LEMD3: variants seen among roughly 807,000 people sequenced by gnomAD.
LEMD3 encodes the protein LEM domain containing 3.
In LEMD3, 33 loss-of-function variants were observed where a neutral mutation model predicts 95.2. The observed-to-expected ratio is 0.35, with a 90% CI of 0.26 to 0.46. The LOEUF (loss-of-function observed/expected upper bound fraction) is 0.46. Among genes scored for constraint, LEMD3 ranks in the 20% least tolerant of loss-of-function variants. The probability of loss-of-function intolerance (pLI) is 1.00; values close to 1 mark genes in which losing one functional copy is unlikely to be tolerated. For synonymous variants in LEMD3, 525 were observed against 474.6 expected (o/e 1.11, Z -1.38); for missense variants, 1,210 against 1,192.8 (o/e 1.01, Z -0.21).
chr12:65,245,204 C>T (rs1055706902), intron 10 of LEMD3: 4 of 160,804 alleles, frequency 2.5e-5, no homozygotes, highest in African/African-American at 9.8e-5. Flanking sequence ...GATCTCGGCT[C>T]ACTGCAAGCT....
At chr12:65,175,682 T>C (rs1868698006) in intron 1 of LEMD3, among the ~76,000 whole-genome samples, 1 of 152,226 alleles carries the variant, frequency 6.6e-6, no homozygotes, top group Admixed American at 6.5e-5. Flanking sequence ...CTGTCTCCTT[T>C]TGCACACATT....
intron 1 of LEMD3, among the ~76,000 whole-genome samples, chr12:65,191,867 G>C (rs1038029649): frequency 7.1e-6 from 1 of 141,246 alleles, no homozygotes; most frequent in African/African-American, 2.7e-5. Context: ...GGAGGTTGTA[G>C]TGAACCGAAA....
intron 4 of LEMD3, among the ~76,000 whole-genome samples, chr12:65,229,494 C>T (rs1401113908): frequency 1.3e-5 from 2 of 152,138 alleles, no homozygotes; most frequent in Non-Finnish European, 2.9e-5. Context: ...TTTACATTCC[C>T]ACCAACAGTG....
At chr12:65,180,522 A>G (rs541938002) in intron 1 of LEMD3, among the ~76,000 whole-genome samples, 1 of 152,204 alleles carries the variant, frequency 6.6e-6, no homozygotes, top group African/African-American at 2.4e-5. Flanking sequence ...CAAAAAGGTT[A>G]TAAAAGTTAT....
chr12:65,178,950 G>C (rs1868816205), intron 1 of LEMD3, among the ~76,000 whole-genome samples: 1 of 152,094 alleles, frequency 6.6e-6, no homozygotes, highest in Non-Finnish European at 1.5e-5. Flanking sequence ...TTTAGGAAAA[G>C]TTGTATTCAT....
At chr12:65,227,290 G>C (rs886882149) in intron 4 of LEMD3, among the ~76,000 whole-genome samples, 2 of 152,132 alleles carry the variant, frequency 1.3e-5, no homozygotes, top group African/African-American at 4.8e-5. Context: ...TTTCTTTCCT[G>C]TTTTCTTTTT....
chr12:65,184,295 G>A (rs1275092331), intron 1 of LEMD3, among the ~76,000 whole-genome samples: 1 of 152,068 alleles, frequency 6.6e-6, no homozygotes, highest in African/African-American at 2.4e-5. Flanking sequence ...TGAATACGTT[G>A]TCTTCCAGAT....
intron 1 of LEMD3, among the ~76,000 whole-genome samples, chr12:65,208,148 C>G (rs1869820521): frequency 6.6e-6 from 1 of 151,908 alleles, no homozygotes; most frequent in African/African-American, 2.4e-5. Flanking sequence ...TATTAAGGAC[C>G]TTTACAAAGA....
intron 1 of LEMD3, among the ~76,000 whole-genome samples, chr12:65,191,915 A>G (rs1869252982): frequency 8.9e-6 from 1 of 112,166 alleles, no homozygotes; most frequent in Non-Finnish European, 1.9e-5. Flanking sequence ...ACAGAGCCAG[A>G]CTCCGTCTCA....
In LEMD3 at chr12:65,246,443, T is replaced by C; in HGVS notation, c.*118T>C. ...ATATTTTTATTGATGAATACATCTC[T>C]GAACGTTCCAGAAGTCTTAAGGTTC... On this transcript the variant is annotated 3_prime_UTR_variant, in exon 13 of 13. Coordinates refer to ENST00000308330, the MANE Select transcript of LEMD3 (RefSeq NM_014319.5). 1.2e-6 allele frequency: 1 copy of C among 823,200 alleles called. No homozygotes were observed. The allele number at this position is 823,200 out of a possible 1,614,324, so 51.0% of individuals were successfully genotyped here. A position where few individuals can be genotyped will look rare whatever the true frequency, so the allele number is the denominator to read the frequency against.
intron 4 of LEMD3, among the ~76,000 whole-genome samples, chr12:65,226,124 C>G (rs2136346014): frequency 6.6e-6 from 1 of 152,232 alleles, no homozygotes. Context: ...TGCCTTTGTT[C>G]TTAGTAGTCC....
In LEMD3 at chr12:65,170,684, A is replaced by C; in HGVS notation, c.1088A>C (p.Lys363Thr). 1 of 1,614,136 alleles carries C rather than the reference A, an allele frequency of 6.2e-7. No individual in the cohort carries two copies. The highest frequency in any genetic ancestry group is 8.5e-7 in the Non-Finnish European group (1 of 1,180,024). ...CCTAGATACCGTGTTAACGCTAAGA[A>C]ACTGACCCCTCTCCTGCCCCCGCCA... ...PVPRYRVNAK[K>T]LTPLLPPPLT... is the part of the protein sequence containing the mutation. Residue 363 changes from lysine to threonine, a missense_variant, in exon 1 of 13, where the codon AAA becomes ACA. Transcript: ENST00000308330.
intron 1 of LEMD3, among the ~76,000 whole-genome samples, chr12:65,209,007 C>T (rs1211621264): frequency 1.3e-5 from 2 of 152,094 alleles, no homozygotes; most frequent in South Asian, 2.1e-4. Context: ...ATACCCTCCT[C>T]CAGCATCCTG....
chr12:65,197,003 G>A (rs1454007229), intron 1 of LEMD3, among the ~76,000 whole-genome samples: 5 of 152,158 alleles, frequency 3.3e-5, no homozygotes. Flanking sequence ...AAGCATGTGG[G>A]CAGTGTACTT....
At chr12:65,221,126 A>G (rs75097738) in intron 4 of LEMD3, among the ~76,000 whole-genome samples, 15,060 of 150,174 alleles carry the variant, frequency 0.1, 959 homozygotes, top group East Asian at 0.28. Flanking sequence ...AAGTCTTCCA[A>G]TTCACGAACA....
intron 1 of LEMD3, among the ~76,000 whole-genome samples, chr12:65,197,642 G>C (rs759962403): frequency 6.6e-6 from 1 of 152,018 alleles, no homozygotes; most frequent in Non-Finnish European, 1.5e-5. Flanking sequence ...TTTTCTTCCA[G>C]AGGTAAAACC....
intron 1 of LEMD3, among the ~76,000 whole-genome samples, chr12:65,172,720 TTTTTC>T (rs1868592300): frequency 6.6e-6 from 1 of 151,082 alleles, no homozygotes; most frequent in Non-Finnish European, 1.5e-5. Context: ...AGATCTGGCC[TTTTTC>T]TTTTCTTTTT....
Position 65,246,285 on chromosome 12 carries a change from G to C in LEMD3, c.2696G>C (p.Arg899Pro). The stretch of plus-strand genomic sequence containing the variant: ...CATATGAACTCCATGTCTCATCTTC[G>C]TCTTCGGACTGGCCTAACCAATTCT... The part of the protein sequence containing the change: ...NKHMNSMSHL[R>P]LRTGLTNSQG... Residue 899 changes from arginine to proline, a missense_variant, in exon 13 of 13, where the codon CGT (arginine) becomes CCT (proline). Arg to Pro is a moderately radical substitution (Grantham distance 103). Around this residue, in one of 2 missense-constraint regions of LEMD3, gnomAD observed 461 missense variants for 569.8 expected, o/e 0.81. Transcript: ENST00000308330. 6.2e-7 allele frequency: 1 copy of C among 1,613,512 alleles called. No homozygotes were observed.
At chr12:65,206,772 T>C (rs1007715025) in intron 1 of LEMD3, among the ~76,000 whole-genome samples, 2 of 152,008 alleles carry the variant, frequency 1.3e-5, no homozygotes, top group African/African-American at 4.8e-5. Context: ...TAAGAGAAAA[T>C]AATGTATTTT....
Sources: gnomAD v4.1 joint callset for allele counts (sites outside exome capture counted in the v4.1 genomes callset) on GRCh38, gnomAD v4.1.1 for gene constraint, gnomAD v4.1.1 regional missense constraint, MANE v1.5 for transcripts, NCBI Gene and HGNC (gene_info 2026-07-23, HGNC 2026-07-21) for gene names.